VAC14: variants seen among roughly 807,000 people sequenced by gnomAD.
The protein encoded by VAC14 is VAC14 component of PIKFYVE complex, also known as protein VAC14 homolog.
VAC14 carries 47 observed loss-of-function variants against 85.3 expected under a neutral mutation model. The ratio of observed to expected loss-of-function variants is 0.55; its 90% CI spans 0.44 to 0.70. The LOEUF is 0.70. Ranked by LOEUF, VAC14 falls within the 30% of genes least tolerant of loss-of-function variation. The probability of loss-of-function intolerance (pLI) is 0.00; values close to 1 mark genes in which losing one functional copy is unlikely to be tolerated. For missense variants in VAC14, 861 were observed against 1,004.3 expected, an observed-to-expected ratio of 0.86 and a Z score of 1.93; for synonymous variants, 447 against 430.5, an observed-to-expected ratio of 1.04 and a Z score of -0.47.
In VAC14 at chr16:70,762,920, G is replaced by A. The variant is rs1354995739; in HGVS notation, c.1266C>T (p.Leu422=). ...TGATGTAGAGGTGGTAGAGCCACTT[G>A]AGAACTGCAATCCTGGTCATCATCC... is the stretch of plus-strand genomic sequence containing the variant. The part of the protein sequence containing the change: ...AIGMMTRIAV[L]KWLYHLYIKT... The change falls in exon 11 of 19, where the codon CTC becomes CTT. Residue 422 remains leucine, a synonymous_variant. Coordinates refer to ENST00000261776, the MANE Select transcript of VAC14 (RefSeq NM_018052.5). The surrounding 1 kb of genome is among the most constrained non-coding windows in gnomAD (Gnocchi z 4.1). The A allele has an allele frequency of 1.2e-6, 2 of 1,614,218 alleles. No individual in the cohort carries two copies. The highest frequency in any genetic ancestry group is 1.1e-5 in the South Asian group (1 of 91,088).
chr16:70,790,273 C>T (rs1455239715), intron 1 of VAC14, among the ~76,000 whole-genome samples: 6 of 152,058 alleles, frequency 3.9e-5, no homozygotes, highest in Non-Finnish European at 7.3e-5. Flanking sequence ...AGTAGGTGTT[C>T]GTTCTGGAGC....
chr16:70,766,615 C>G (rs2032835644), intron 10 of VAC14: 1 of 436,908 alleles, frequency 2.3e-6, no homozygotes, highest in African/African-American at 2.0e-5. Flanking sequence ...AGTACGGGAC[C>G]CATCTGAGAC....
intron 14 of VAC14, among the ~76,000 whole-genome samples, chr16:70,707,301 T>G (rs2053939104): frequency 6.6e-6 from 1 of 152,262 alleles, no homozygotes; most frequent in Non-Finnish European, 1.5e-5. Context: ...CGTTGTTTAA[T>G]GCAGTCGATG....
At chr16:70,709,629 G>A (rs1187196215) in intron 14 of VAC14, among the ~76,000 whole-genome samples, 1 of 152,188 alleles carries the variant, frequency 6.6e-6, no homozygotes, top group Non-Finnish European at 1.5e-5. Flanking sequence ...CCATAGTTCT[G>A]TAGCCTGGAC....
Position 70,783,022 on chromosome 16 carries a change from C to A in VAC14, c.811+11G>T. The A allele has an allele frequency of 1.2e-6, 2 of 1,613,344 alleles. No individual in the cohort carries two copies. Among genetic ancestry groups the A allele is most frequent in the Non-Finnish European group, 1.7e-6 (2 of 1,179,444 alleles). Reference sequence around the variant, plus strand: ...GGCAGCCGTGGCTGTGGGCCCTCCCCCAATACTCACCTGTTGTCTGGCAGT... The same window carrying A: ...GGCAGCCGTGGCTGTGGGCCCTCCCACAATACTCACCTGTTGTCTGGCAGT... On this transcript the variant is annotated intron_variant, in intron 7 of 18. Coordinates refer to ENST00000261776, the MANE Select transcript of VAC14 (RefSeq NM_018052.5).
Position 70,697,131 on chromosome 16 carries a change from A to C in VAC14, c.1955+8T>G. On this transcript the variant is annotated splice_region_variant and intron_variant, in intron 16 of 18. Coordinates refer to ENST00000261776, the MANE Select transcript of VAC14 (RefSeq NM_018052.5). ...GCTCAACCCCAACCACAGTGAGAGGAAGGATACAACTTCTGGATGAGGTCA... is the reference window on the plus strand; with the variant it reads ...GCTCAACCCCAACCACAGTGAGAGGCAGGATACAACTTCTGGATGAGGTCA... The C allele has an allele frequency of 6.2e-7, 1 of 1,608,680 alleles. No homozygotes were observed. The highest frequency in any genetic ancestry group is 8.5e-7 in the Non-Finnish European group (1 of 1,175,456).
intron 18 of VAC14, chr16:70,692,062 A>AT: frequency 1.0e-6 from 1 of 982,298 alleles, no homozygotes; most frequent in Middle Eastern, 5.2e-4. Flanking sequence ...GACAAGTGAA[A>AT]TTTTCCATCT....
intron 7 of VAC14, among the ~76,000 whole-genome samples, chr16:70,782,489 C>T (rs755064357): frequency 1.3e-5 from 2 of 152,210 alleles, no homozygotes; most frequent in Admixed American, 6.5e-5. Flanking sequence ...CCCATGGTCC[C>T]GGCATGACAT....
chr16:70,782,981 C>T (rs1157323261), intron 7 of VAC14, 52 bp downstream of exon 7: 1 of 1,510,068 alleles, frequency 6.6e-7, no homozygotes, highest in East Asian at 2.3e-5. Flanking sequence ...GCAGAGGTGG[C>T]AGTGGCAGCA....
At chr16:70,735,863 C>T (rs567530155) in intron 13 of VAC14, among the ~76,000 whole-genome samples, 4 of 152,264 alleles carry the variant, frequency 2.6e-5, no homozygotes, top group Admixed American at 2.0e-4. Flanking sequence ...TGCTCCCTGG[C>T]CCAAAGGGGC....
chr16:70,690,693 G>A, intron 18 of VAC14: 1 of 985,750 alleles, frequency 1.0e-6, no homozygotes, highest in Non-Finnish European at 1.2e-6. Context: ...TCTGCCAGCT[G>A]TCTGCCCCTC....
intron 18 of VAC14, chr16:70,691,743 G>A (rs1404535684): frequency 4.1e-6 from 4 of 985,344 alleles, no homozygotes; most frequent in Non-Finnish European, 3.6e-6. Flanking sequence ...CAGCTGGCCT[G>A]GGGCAGAGAG....
At chr16:70,694,623 G>C (rs771736952) in intron 17 of VAC14, among the ~76,000 whole-genome samples, 5 of 152,222 alleles carry the variant, frequency 3.3e-5, no homozygotes, top group Non-Finnish European at 5.9e-5. Flanking sequence ...GGGAGAGGCC[G>C]GGTGGCCAGC....
chr16:70,695,919 AG>A (rs1157821718), intron 16 of VAC14: 2 of 284,004 alleles, frequency 7.0e-6, no homozygotes, highest in Non-Finnish European at 6.8e-6. Flanking sequence ...AGGGCTGGGC[AG>A]GAAGGGTTCT....
rs574088750 is a variant in VAC14 at position 70,721,820 on chromosome 16, C to A, written c.1661+9675G>T. Among the ~76,000 whole-genome samples, 21 of 152,284 alleles carry A rather than the reference C, an allele frequency of 1.4e-4. No homozygotes were observed. The South Asian group carries it at 4.1e-3, about 30-fold the overall frequency. On this transcript the variant is annotated intron_variant, in intron 14 of 18. Transcript: ENST00000261776. ...GTTAGGTGAATCCCATGGTGCCAGT[C>A]CTGGATAGCACGTGTCCTCTGGGCC...
intron 9 of VAC14, among the ~76,000 whole-genome samples, chr16:70,774,115 C>T (rs1347673649): frequency 7.2e-5 from 11 of 152,266 alleles, no homozygotes; most frequent in African/African-American, 2.4e-4. Flanking sequence ...AACTTCGATA[C>T]ACTACCATTA....
At chr16:70,689,279 G>A (rs2053555569) in intron 18 of VAC14, 1 of 985,396 alleles carries the variant, frequency 1.0e-6, no homozygotes, top group African/African-American at 1.7e-5. Context: ...CCCCAGCTTA[G>A]GTATCTGGCA....
At chr16:70,752,087 A>G (rs1003496319) in intron 12 of VAC14, among the ~76,000 whole-genome samples, 1 of 152,218 alleles carries the variant, frequency 6.6e-6, no homozygotes, top group African/African-American at 2.4e-5. Context: ...CTAAAAAAAA[A>G]TCATAAATCT....
intron 17 of VAC14, 148 bp from the exon 18 acceptor site, chr16:70,693,119 C>G (rs2053632150): frequency 8.9e-7 from 1 of 1,122,942 alleles, no homozygotes; most frequent in Non-Finnish European, 1.2e-6. Context: ...TGGACCCAGC[C>G]AGGTGGCTGT....
Sources: gnomAD v4.1 joint callset for allele counts (sites outside exome capture counted in the v4.1 genomes callset) on GRCh38, gnomAD v4.1.1 for gene constraint, Gnocchi (gnomAD v3.1) non-coding constraint, MANE v1.5 for transcripts, NCBI Gene and HGNC (gene_info 2026-07-23, HGNC 2026-07-21) for gene names.